The following PKHD1L1 variants were observed in gnomAD, a reference collection of about 807,000 sequenced individuals.
The protein encoded by PKHD1L1 is fibrocystin-L.
In PKHD1L1, 434 loss-of-function variants were observed where a neutral mutation model predicts 462.9. That is an observed-to-expected ratio of 0.94 (90% confidence interval 0.87 to 1.02). The LOEUF is 1.02. Among genes scored for constraint, PKHD1L1 ranks in the 50% least tolerant of loss-of-function variants. The pLI, the probability that PKHD1L1 is intolerant of heterozygous loss-of-function variation, is 0.00. For synonymous variants in PKHD1L1, 1,781 were observed against 1,750.0 expected (o/e 1.02, Z -0.44); for missense variants, 5,202 against 5,096.1 (o/e 1.02, Z -0.63).
rs1327375053 is a variant in PKHD1L1 at position 109,464,212 on chromosome 8, A to G, written c.7384-4A>G. 6.4e-6 allele frequency: 10 copies of G among 1,572,962 alleles called. No homozygotes were observed. The highest frequency in any genetic ancestry group is 8.7e-6 in the Non-Finnish European group (10 of 1,154,358). On this transcript the variant is annotated splice_region_variant and splice_polypyrimidine_tract_variant and intron_variant, in intron 48 of 77. Transcript: ENST00000378402. ...TAAATAACTGTGATTTCTGGGCTTA[A>G]CAGGTATTCCATGCTGGCCAGGCTT...
At chr8:109,369,275 C>A (rs904061476) in intron 2 of PKHD1L1, among the ~76,000 whole-genome samples, 5 of 152,040 alleles carry the variant, frequency 3.3e-5, no homozygotes, top group African/African-American at 1.2e-4. Context: ...CCGCACCTGG[C>A]CTAGAATTAT....
At position 109,479,968 on chromosome 8, in the gene PKHD1L1, T is replaced by C. The variant is rs376557933; in HGVS notation, c.9179-23T>C. 4.9e-3 allele frequency: 7,449 copies of C among 1,531,668 alleles called. 387 individuals are homozygous for C. In the South Asian group the frequency reaches 0.09, roughly 18 times the overall value. The allele number at this position is 1,531,668 out of a possible 1,614,324, so 94.9% of individuals were successfully genotyped here. A position where few individuals can be genotyped will look rare whatever the true frequency, so the allele number is the denominator to read the frequency against. ...GTTGTAGTTTATGGATTATGTTATA[T>C]TTCTTAAAGTATTGTTTTATAGGAA... On this transcript the variant is annotated intron_variant, in intron 54 of 77. Transcript: ENST00000378402.
chr8:109,476,937 G>A (rs1818018779), intron 52 of PKHD1L1, among the ~76,000 whole-genome samples: 1 of 152,036 alleles, frequency 6.6e-6, no homozygotes, highest in Non-Finnish European at 1.5e-5. Flanking sequence ...TACAATGGAA[G>A]CTGGCATATG....
At chr8:109,527,457 T>G (rs1820876293) in intron 77 of PKHD1L1, among the ~76,000 whole-genome samples, 1 of 152,050 alleles carries the variant, frequency 6.6e-6, no homozygotes, top group Non-Finnish European at 1.5e-5. Flanking sequence ...TGAACTGAGA[T>G]CCCACCACTG....
rs1370283315 is a variant in PKHD1L1 at position 109,415,859 on chromosome 8, AAAGG to A, written c.2360+2315_2360+2318del. On this transcript the variant is annotated intron_variant, in intron 21 of 77. Transcript: ENST00000378402. ...TGAGACCTTGTCTTAAAAAAAAAAA[AAAGG>A]GGTGTGTGTGTGTGTGTGTGTGTGT... 3.1e-4 allele frequency among the ~76,000 whole-genome samples: 33 copies of A among 107,676 alleles called. 1 individual carries two copies. Among genetic ancestry groups the A allele is most frequent in the East Asian group, 1.2e-3 (4 of 3,472 alleles). The allele number at this position is 107,676 out of a possible 152,430, so 70.6% of individuals were successfully genotyped here.
chr8:109,470,877 C>T, intron 50 of PKHD1L1: 1 of 1,534,570 alleles, frequency 6.5e-7, no homozygotes, highest in Non-Finnish European at 9.0e-7. Flanking sequence ...TCCTGAAATG[C>T]TAGAAACTGA....
chr8:109,465,304 A>G (rs1317947387), intron 49 of PKHD1L1, 59 bp downstream of exon 49: 15 of 1,529,848 alleles, frequency 9.8e-6, no homozygotes, highest in African/African-American at 4.1e-5. Flanking sequence ...GTGTTAGCAC[A>G]GAATTGAATT....
At position 109,400,165 on chromosome 8, in the gene PKHD1L1, T is replaced by TA; in HGVS notation, c.1103dup (p.Tyr368Ter). The TA allele has an allele frequency of 1.2e-6, 2 of 1,613,736 alleles. No individual in the cohort carries two copies. Among genetic ancestry groups the TA allele is most frequent in the Non-Finnish European group, 1.7e-6 (2 of 1,179,706 alleles). The change falls in exon 13 of 78, where the codon TAC becomes TAAC. Residue 368 changes from tyrosine to a stop codon, truncating the protein, a stop_gained and frameshift_variant. Coordinates refer to ENST00000378402, the MANE Select transcript of PKHD1L1 (RefSeq NM_177531.6). LOFTEE classifies it high-confidence loss of function. ...GGAATACAATGAAAAAACGCCTGGG[T>TA]ACATGGGTGCCAGTTGGGTAGATTC... ...ILEYNEKTPG[Y>*]MGASWVDSAS...
At chr8:109,389,184 C>T (rs376301324) in intron 8 of PKHD1L1, 32 bp downstream of exon 8, 34 of 1,513,242 alleles carry the variant, frequency 2.2e-5, no homozygotes, top group East Asian at 6.8e-5. Context: ...TCATAATGCT[C>T]ACAGATGCCT....
chr8:109,429,139 T>C (rs1388149696), intron 25 of PKHD1L1, among the ~76,000 whole-genome samples: 3 of 152,204 alleles, frequency 2.0e-5, no homozygotes, highest in Admixed American at 2.0e-4. Context: ...TGCAATGGTC[T>C]TAATTTTTTT....
Position 109,469,512 on chromosome 8 carries a change from C to T in PKHD1L1, c.8605+2743C>T, listed in dbSNP as rs1481487258. 3.9e-5 allele frequency among the ~76,000 whole-genome samples: 6 copies of T among 152,094 alleles called. No individual in the cohort carries two copies. The East Asian group carries it at 5.8e-4, about 15-fold the overall frequency. ...GTGTTTCTTACTGTCTAAACCCAAC[C>T]AGAAGCTAGAAGGCAAAGGAGCAGG... On this transcript the variant is annotated intron_variant, in intron 50 of 77. Transcript: ENST00000378402.
rs139795851 is a variant in PKHD1L1 at position 109,401,752 on chromosome 8, A to G, written c.1373+164A>G. 6.4e-3 allele frequency among the ~76,000 whole-genome samples: 980 copies of G among 152,172 alleles called. 7 individuals carry two copies. Among genetic ancestry groups the G allele is most frequent in the Middle Eastern group, 0.051 (15 of 294 alleles). ...TAATTTTATTCAAATGTGTTTCTTG[A>G]TTTTCAAGAATACTGGCATTCAACT... is the stretch of plus-strand genomic sequence containing the variant. On this transcript the variant is annotated intron_variant, in intron 14 of 77. Transcript: ENST00000378402.
intron 28 of PKHD1L1, 87 bp from the exon 29 acceptor site, chr8:109,435,103 G>A (rs1815330265): frequency 3.6e-6 from 5 of 1,375,188 alleles, no homozygotes; most frequent in Non-Finnish European, 4.0e-6. Context: ...AAAAATGAAG[G>A]CCAATGTTAG....
Position 109,371,843 on chromosome 8 carries a change from C to G in PKHD1L1, c.163+7207C>G, listed in dbSNP as rs201672800. 5.3e-3 allele frequency among the ~76,000 whole-genome samples: 807 copies of G among 151,796 alleles called. 6 individuals are homozygous for G. Among genetic ancestry groups the G allele is most frequent in the Middle Eastern group, 0.041 (12 of 290 alleles). ...ATGCGGCATTATTTCTGAGGTCTCT[C>G]TTCTGTTCCATTGGTCTATATCTCT... is the stretch of plus-strand genomic sequence containing the variant. On this transcript the variant is annotated intron_variant, in intron 2 of 77. Transcript: ENST00000378402.
intron 71 of PKHD1L1, among the ~76,000 whole-genome samples, chr8:109,513,036 AC>A (rs1331829083): frequency 1.3e-5 from 2 of 151,648 alleles, no homozygotes; most frequent in Non-Finnish European, 2.9e-5. Flanking sequence ...TGATTTTTGT[AC>A]ATTGATTTTG....
intron 48 of PKHD1L1, among the ~76,000 whole-genome samples, chr8:109,463,081 A>G (rs1202475133): frequency 1.3e-5 from 2 of 152,082 alleles, no homozygotes; most frequent in Admixed American, 6.6e-5. Flanking sequence ...ATTATTTTAC[A>G]GATGTTGTCT....
chr8:109,363,119 T>C (rs755050339), intron 1 of PKHD1L1, among the ~76,000 whole-genome samples: 2 of 152,126 alleles, frequency 1.3e-5, no homozygotes, highest in Non-Finnish European at 1.5e-5. Context: ...CAGGGGCAGC[T>C]GCCCTGTGTT....
intron 50 of PKHD1L1, among the ~76,000 whole-genome samples, chr8:109,467,772 G>C (rs1817526562): frequency 6.6e-6 from 1 of 152,084 alleles, no homozygotes; most frequent in Non-Finnish European, 1.5e-5. Context: ...TCAAAGATTT[G>C]CTAAACAAAA....
chr8:109,435,294 T>A lies in PKHD1L1; in HGVS notation c.3445T>A (p.Phe1149Ile). 1.9e-6 allele frequency: 3 copies of A among 1,613,606 alleles called. No homozygotes were observed. Among genetic ancestry groups the A allele is most frequent in the Non-Finnish European group, 2.5e-6 (3 of 1,179,758 alleles). Reference sequence around the variant, plus strand: ...AGCACAGAATGTAGGGGGTGAAGAGTTCTACTTTGTTTATCAGAGTCAGAT... The same window carrying A: ...AGCACAGAATGTAGGGGGTGAAGAGATCTACTTTGTTTATCAGAGTCAGAT... ...GLAQNVGGEE[F>I]YFVYQSQISH... is the part of the protein sequence containing the mutation. Residue 1149 changes from phenylalanine to isoleucine, a missense_variant, in exon 29 of 78, where the codon TTC (phenylalanine) becomes ATC (isoleucine). This residue lies in a region of PKHD1L1 where 4,497 missense variants were observed against 4,336.8 expected (regional missense o/e 1.04). Transcript: ENST00000378402.
Sources: gnomAD v4.1 joint callset for allele counts (sites outside exome capture counted in the v4.1 genomes callset) on GRCh38, gnomAD v4.1.1 for gene constraint, gnomAD v4.1.1 regional missense constraint, MANE v1.5 for transcripts, NCBI Gene and HGNC (gene_info 2026-07-23, HGNC 2026-07-21) for gene names.